Variants in EPB41L4B observed in about 807,000 individuals in gnomAD.
EPB41L4B encodes the protein band 4.1-like protein 4B.
In EPB41L4B, 30 loss-of-function variants were observed where a neutral mutation model predicts 112.5. The observed-to-expected ratio is 0.27, with a 90% CI of 0.20 to 0.36. EPB41L4B has a LOEUF of 0.36. EPB41L4B is among the 10% of genes least tolerant of loss of function. The probability of loss-of-function intolerance (pLI) is 1.00; values close to 1 mark genes in which losing one functional copy is unlikely to be tolerated. For missense variants in EPB41L4B, 1,024 were observed against 1,133.3 expected (o/e 0.90, Z 1.38); for synonymous variants, 408 against 439.7 (o/e 0.93, Z 0.90).
intron 2 of EPB41L4B, among the ~76,000 whole-genome samples, chr9:109,277,532 A>G (rs981859383): frequency 6.6e-5 from 10 of 152,198 alleles, no homozygotes; most frequent in African/African-American, 2.2e-4. Context: ...CTCAGGGAGC[A>G]GCTCGGGAGC....
At chr9:109,252,423 C>T (rs1834823699) in intron 12 of EPB41L4B, among the ~76,000 whole-genome samples, 4 of 152,190 alleles carry the variant, frequency 2.6e-5, no homozygotes, top group Admixed American at 2.6e-4. Flanking sequence ...GACACGCTCC[C>T]ATCCCCTGGC....
At chr9:109,239,473 A>C (rs1834277205) in intron 15 of EPB41L4B, among the ~76,000 whole-genome samples, 1 of 152,208 alleles carries the variant, frequency 6.6e-6, no homozygotes, top group African/African-American at 2.4e-5. Context: ...AGCATGATAA[A>C]ATCATGACAG....
At position 109,188,848 on chromosome 9, in the gene EPB41L4B, T is replaced by C. The variant is rs191723114; in HGVS notation, c.2302-3243A>G. 1.7e-3 allele frequency among the ~76,000 whole-genome samples: 265 copies of C among 152,162 alleles called. 1 individual carries two copies. Among genetic ancestry groups the C allele is most frequent in the South Asian group, 0.011 (54 of 4,814 alleles). ...AGTTGGGTAAGTGGTTCATGAAGCA[T>C]GGGGATCAGAGAGGGACGAGCCCCA... On this transcript the variant is annotated intron_variant, in intron 22 of 25. Coordinates refer to ENST00000374566, the MANE Select transcript of EPB41L4B (RefSeq NM_019114.5).
At chr9:109,292,831 A>G (rs1836583472) in intron 1 of EPB41L4B, among the ~76,000 whole-genome samples, 1 of 152,196 alleles carries the variant, frequency 6.6e-6, no homozygotes, top group Non-Finnish European at 1.5e-5. Context: ...TTCCAAGGCT[A>G]GGTGACAGTT....
intron 18 of EPB41L4B, among the ~76,000 whole-genome samples, chr9:109,207,291 C>G (rs1236422392): frequency 6.6e-6 from 1 of 152,090 alleles, no homozygotes; most frequent in African/African-American, 2.4e-5. Flanking sequence ...CATATTCAGG[C>G]TGGCACAATG....
intron 16 of EPB41L4B, among the ~76,000 whole-genome samples, chr9:109,214,341 T>G (rs911484206): frequency 6.6e-6 from 1 of 152,222 alleles, no homozygotes; most frequent in African/African-American, 2.4e-5. Flanking sequence ...ACATTAAATA[T>G]TCATTAAATA....
chr9:109,229,812 G>C (rs545695326), intron 15 of EPB41L4B, among the ~76,000 whole-genome samples: 1 of 152,282 alleles, frequency 6.6e-6, no homozygotes, highest in South Asian at 2.1e-4. Context: ...AAGTGGGCAG[G>C]ACATGGGGAG....
At chr9:109,269,140 AT>A (rs1265313981) in intron 2 of EPB41L4B, among the ~76,000 whole-genome samples, 1 of 152,148 alleles carries the variant, frequency 6.6e-6, no homozygotes, top group Non-Finnish European at 1.5e-5. Context: ...GATACCAATA[AT>A]CTCTCATTAT....
intron 1 of EPB41L4B, among the ~76,000 whole-genome samples, chr9:109,307,879 A>G (rs1046890926): frequency 1.3e-4 from 20 of 152,244 alleles, no homozygotes; most frequent in Admixed American, 9.8e-4. Flanking sequence ...GTCGCTCATA[A>G]GCGCTGGGGG....
At chr9:109,178,273 C>A (rs1288371127) in intron 24 of EPB41L4B, among the ~76,000 whole-genome samples, 2 of 151,846 alleles carry the variant, frequency 1.3e-5, no homozygotes, top group Non-Finnish European at 2.9e-5. Context: ...ATAATACCAG[C>A]TATATATTTT....
At chr9:109,231,344 C>T (rs1176375078) in intron 15 of EPB41L4B, among the ~76,000 whole-genome samples, 2 of 152,160 alleles carry the variant, frequency 1.3e-5, no homozygotes, top group Non-Finnish European at 2.9e-5. Context: ...AGCTCTTGAT[C>T]TGATGATGAT....
intron 15 of EPB41L4B, 38 bp from the exon 16 acceptor site, chr9:109,217,183 A>T (rs1265145360): frequency 1.6e-5 from 25 of 1,592,086 alleles, no homozygotes; most frequent in Non-Finnish European, 2.1e-5. Flanking sequence ...AGAAAAGCAG[A>T]ATGCCTTGCA....
intron 15 of EPB41L4B, among the ~76,000 whole-genome samples, chr9:109,231,722 T>C (rs1588154373): frequency 6.6e-6 from 1 of 152,170 alleles, no homozygotes; most frequent in African/African-American, 2.4e-5. Context: ...AATAAATAGG[T>C]GTAAGCAGGT....
At chr9:109,221,772 C>G (rs1833581353) in intron 15 of EPB41L4B, among the ~76,000 whole-genome samples, 1 of 152,144 alleles carries the variant, frequency 6.6e-6, no homozygotes, top group South Asian at 2.1e-4. Context: ...AATGAACACC[C>G]AAAGGGAAAG....
intron 22 of EPB41L4B, among the ~76,000 whole-genome samples, chr9:109,191,863 C>T (rs1164798234): frequency 3.3e-5 from 5 of 152,166 alleles, no homozygotes; most frequent in African/African-American, 9.7e-5. Flanking sequence ...GCAGGAGGTG[C>T]GAGGGGCCTG....
chr9:109,229,258 T>A (rs966455813), intron 15 of EPB41L4B, among the ~76,000 whole-genome samples: 2 of 152,174 alleles, frequency 1.3e-5, no homozygotes, highest in Non-Finnish European at 2.9e-5. Flanking sequence ...CAGTAATAAC[T>A]GCAGGGTTTC....
At chr9:109,298,354 C>A (rs943880718) in intron 1 of EPB41L4B, among the ~76,000 whole-genome samples, 8 of 150,072 alleles carry the variant, frequency 5.3e-5, no homozygotes. Flanking sequence ...TGCTCTGTCA[C>A]CCAGGCTGGA....
chr9:109,235,550 A>G (rs1834110104), intron 15 of EPB41L4B, among the ~76,000 whole-genome samples: 1 of 151,818 alleles, frequency 6.6e-6, no homozygotes, highest in Admixed American at 6.6e-5. Flanking sequence ...GGCACACACC[A>G]CCACGCCCGG....
intron 1 of EPB41L4B, among the ~76,000 whole-genome samples, chr9:109,302,402 G>A (rs1324726794): frequency 6.6e-6 from 1 of 152,164 alleles, no homozygotes; most frequent in Non-Finnish European, 1.5e-5. Context: ...TTGGATTAGG[G>A]CCTGCCCTAG....
Sources: allele counts gnomAD v4.1 joint callset (sites outside exome capture counted in the v4.1 genomes callset), GRCh38; gene constraint gnomAD v4.1.1; transcripts MANE v1.5; gene names NCBI Gene and HGNC (gene_info 2026-07-23, HGNC 2026-07-21).